SAMD3: variants seen among roughly 807,000 people sequenced by gnomAD.
SAMD3 encodes the protein sterile alpha motif domain containing 3, also known as sterile alpha motif domain-containing protein 3.
In SAMD3, 63 loss-of-function variants were observed where a neutral mutation model predicts 58.5. The ratio of observed to expected loss-of-function variants is 1.08; its 90% confidence interval spans 0.88 to 1.33. SAMD3 has a LOEUF of 1.33. Among genes scored for constraint, SAMD3 ranks in the 40% most tolerant of loss-of-function variants. The pLI, the probability that SAMD3 is intolerant of heterozygous loss-of-function variation, is 0.00. For missense variants in SAMD3, 604 were observed against 608.4 expected (o/e 0.99, Z 0.08); for synonymous variants, 220 against 210.3 (o/e 1.05, Z -0.40).
chr6:130,230,686 C>T lies in SAMD3; in HGVS notation c.-187-7873G>A, dbSNP rs13196812. Among the ~76,000 whole-genome samples the T allele has an allele frequency of 1.8e-4, 28 of 152,346 alleles. 1 individual carries two copies. The South Asian group carries it at 5.4e-3, about 29-fold the overall frequency. On this transcript the variant is annotated intron_variant, in intron 2 of 13. Coordinates refer to the SAMD3 transcript ENST00000368134. Reference sequence around the variant, plus strand: ...TACAGGCATGAGCCACCATGCCCGGCCTCTTCGCCTCTTCTATGCACAATC... The same window carrying T: ...TACAGGCATGAGCCACCATGCCCGGTCTCTTCGCCTCTTCTATGCACAATC...
At chr6:130,145,898 T>A (rs1240009931) in intron 10 of SAMD3, 112 bp downstream of exon 10, 1 of 450,686 alleles carries the variant, frequency 2.2e-6, no homozygotes, top group Non-Finnish European at 3.5e-6. Context: ...AATATATTTT[T>A]AAAACTCAAT....
At chr6:130,155,823 G>C (rs1285055321) in intron 8 of SAMD3, among the ~76,000 whole-genome samples, 1 of 152,170 alleles carries the variant, frequency 6.6e-6, no homozygotes, top group Non-Finnish European at 1.5e-5. Flanking sequence ...TCTACTTTCT[G>C]TGAACACAGA....
At chr6:130,163,025 G>T (rs1455161441) in intron 8 of SAMD3, among the ~76,000 whole-genome samples, 1 of 152,110 alleles carries the variant, frequency 6.6e-6, no homozygotes, top group East Asian at 1.9e-4. Flanking sequence ...CAGTCCTCCT[G>T]CATTTGCCTC....
chr6:130,248,168 T>G (rs559013432), intron 2 of SAMD3, among the ~76,000 whole-genome samples: 1 of 139,890 alleles, frequency 7.1e-6, no homozygotes, highest in Admixed American at 7.4e-5. Flanking sequence ...ATTTCATTTT[T>G]AAGTGTTTTG....
intron 2 of SAMD3, among the ~76,000 whole-genome samples, chr6:130,308,354 T>TATTCTATTCTATTCTATTCTATTCTATTC (rs1775982869): frequency 2.1e-3 from 28 of 13,052 alleles, no homozygotes; most frequent in African/African-American, 8.0e-3. Flanking sequence ...CATAGAATTC[T>TATTCTATTCTATTCTATTCTATTCTATTC]ATTCTATTCT....
chr6:130,323,028 T>C (rs765167440), intron 1 of SAMD3, among the ~76,000 whole-genome samples: 1 of 152,222 alleles, frequency 6.6e-6, no homozygotes, highest in Non-Finnish European at 1.5e-5. Context: ...GCAAAGGCCA[T>C]TGACATATAA....
intron 1 of SAMD3, among the ~76,000 whole-genome samples, chr6:130,323,825 A>AAAAAAAAAAAAT (rs869252737): frequency 6.6e-6 from 1 of 150,844 alleles, no homozygotes; most frequent in African/African-American, 2.4e-5. Flanking sequence ...AAAAAAAAAA[A>AAAAAAAAAAAAT]GAATTTCCCA....
At chr6:130,211,336 T>A (rs577558834) in intron 4 of SAMD3, among the ~76,000 whole-genome samples, 159 of 143,754 alleles carry the variant, frequency 1.1e-3, no homozygotes, top group African/African-American at 4.0e-3. Flanking sequence ...TAGGCTGGAG[T>A]GCAGTGGTAT....
At chr6:130,283,821 T>G (rs909527725) in intron 2 of SAMD3, among the ~76,000 whole-genome samples, 1 of 152,096 alleles carries the variant, frequency 6.6e-6, no homozygotes, top group Admixed American at 6.6e-5. Flanking sequence ...AGTAAACATG[T>G]GGGTCAATAT....
intron 9 of SAMD3, among the ~76,000 whole-genome samples, chr6:130,149,371 C>T (rs71571002): frequency 2.0e-5 from 3 of 152,190 alleles, no homozygotes; most frequent in African/African-American, 7.2e-5. Flanking sequence ...AATCCCATTA[C>T]TGGGTATATA....
At chr6:130,253,748 A>AT (rs141419532) in intron 2 of SAMD3, among the ~76,000 whole-genome samples, 45,638 of 150,556 alleles carry the variant, frequency 0.3, 8,515 homozygotes, top group African/African-American at 0.53. Context: ...TAAAATTATT[A>AT]TTTTTTTTTG....
In SAMD3 at chr6:130,150,118, CGT is replaced by C. The variant is rs201682087; in HGVS notation, c.1024-3939_1024-3938del. 5.3e-4 allele frequency among the ~76,000 whole-genome samples: 80 copies of C among 151,584 alleles called. 1 individual carries two copies. The highest frequency in any genetic ancestry group is 1.7e-3 in the South Asian group (8 of 4,792). On this transcript the variant is annotated intron_variant, in intron 9 of 11. Transcript: ENST00000439090. ...TGGTTCATGTGTGTGTGTGTGCGCG[CGT>C]GTGTGTGTGCGTGTATTTCATTTCT... is the stretch of plus-strand genomic sequence containing the variant.
intron 2 of SAMD3, among the ~76,000 whole-genome samples, chr6:130,307,502 A>T (rs1426492604): frequency 1.3e-5 from 2 of 152,218 alleles, no homozygotes; most frequent in Non-Finnish European, 2.9e-5. Context: ...AATATTCTTT[A>T]AGAGAGGAAT....
At chr6:130,161,582 AT>A (rs1790285342) in intron 8 of SAMD3, 1 of 152,188 alleles carries the variant, frequency 6.6e-6, no homozygotes, top group South Asian at 2.1e-4. Context: ...AGAATTTAAA[AT>A]TCTCACCATT....
At chr6:130,162,056 T>G (rs770257466) in intron 8 of SAMD3, 74 of 494,998 alleles carry the variant, frequency 1.5e-4, no homozygotes, top group Non-Finnish European at 2.6e-4. Context: ...CTTTGAGATG[T>G]GTGACTTTAG....
intron 5 of SAMD3, among the ~76,000 whole-genome samples, chr6:130,205,567 G>A (rs565948188): frequency 2.0e-5 from 3 of 151,814 alleles, no homozygotes; most frequent in South Asian, 2.1e-4. Context: ...GCCTCCCAGA[G>A]TGCTGGGATT....
chr6:130,261,053 C>G (rs550023343), intron 2 of SAMD3, among the ~76,000 whole-genome samples: 1 of 152,166 alleles, frequency 6.6e-6, no homozygotes, highest in South Asian at 2.1e-4. Context: ...GAAGTGTGGC[C>G]TGATCACCCA....
intron 5 of SAMD3, among the ~76,000 whole-genome samples, chr6:130,192,734 G>A (rs1046552918): frequency 5.3e-5 from 8 of 152,260 alleles, no homozygotes; most frequent in South Asian, 2.1e-4. Flanking sequence ...GACTCGGATC[G>A]GGGAACCTCC....
chr6:130,256,683 T>C (rs965523685), intron 2 of SAMD3, among the ~76,000 whole-genome samples: 1 of 152,222 alleles, frequency 6.6e-6, no homozygotes, highest in Non-Finnish European at 1.5e-5. Flanking sequence ...AAACAGATGT[T>C]GTTGCCTAAG....
Sources: allele counts gnomAD v4.1 joint callset (sites outside exome capture counted in the v4.1 genomes callset), GRCh38; gene constraint gnomAD v4.1.1; transcripts MANE v1.5; gene names NCBI Gene and HGNC (gene_info 2026-07-23, HGNC 2026-07-21).